Variants in RAB21 observed in about 807,000 individuals in gnomAD.
RAB21 encodes RAB21, member RAS oncogene family, also known as ras-related protein Rab-21.
Under a neutral mutation model 33.1 loss-of-function variants are expected in RAB21, and 13 were observed. The observed-to-expected ratio is 0.39, with a 90% CI of 0.26 to 0.62. The LOEUF is 0.62. Among genes scored for constraint, RAB21 ranks in the 20% least tolerant of loss-of-function variants. The pLI, the probability that RAB21 is intolerant of heterozygous loss-of-function variation, is 0.48. For missense variants in RAB21, 234 were observed against 279.1 expected (o/e 0.84, Z 1.15); for synonymous variants, 91 against 103.7 (o/e 0.88, Z 0.74).
At chr12:71,779,985 A>G (rs1374900374) in intron 4 of RAB21, among the ~76,000 whole-genome samples, 2 of 152,220 alleles carry the variant, frequency 1.3e-5, no homozygotes, top group Non-Finnish European at 2.9e-5. Context: ...TCTGCAATGT[A>G]TTCTGTGCTG....
At position 71,774,037 on chromosome 12, in the gene RAB21, T is replaced by A; in HGVS notation, c.391+15T>A. On this transcript the variant is annotated intron_variant, in intron 4 of 6. Coordinates refer to ENST00000261263, the MANE Select transcript of RAB21 (RefSeq NM_014999.4). ...ATGTATAGTTGGTAAGCATCATTAC[T>A]TTTTTCTAAAAAAAAAGTCCTCTGT... The A allele has an allele frequency of 6.5e-7, 1 of 1,529,024 alleles. No individual in the cohort carries two copies. The highest frequency in any genetic ancestry group is 8.8e-7 in the Non-Finnish European group (1 of 1,133,470). The allele number at this position is 1,529,024 out of a possible 1,614,324, so 94.7% of individuals were successfully genotyped here.
rs1565896267 is a variant in RAB21 at position 71,785,879 on chromosome 12, G to GTTTTCTTTTGT, written c.*210_*211insCTTTTGTTTTT. The GTTTTCTTTTGT allele has an allele frequency of 2.5e-5, 10 of 398,240 alleles. No homozygotes were observed. Among genetic ancestry groups the GTTTTCTTTTGT allele is most frequent in the African/African-American group, 1.4e-4 (6 of 43,664 alleles). 24.7% of individuals were successfully genotyped at this position (398,240 alleles called of 1,614,324 possible). On this transcript the variant is annotated 3_prime_UTR_variant, in exon 7 of 7. Coordinates refer to ENST00000261263, the MANE Select transcript of RAB21 (RefSeq NM_014999.4). ...CAGAGAATTGGCATTTTCTACAAAT[G>GTTTTCTTTTGT]TTTTTTTTTGTTTTTTTTTTGTTTT... is the stretch of plus-strand genomic sequence containing the variant.
At chr12:71,765,784 G>A (rs529090108) in intron 1 of RAB21, among the ~76,000 whole-genome samples, 83 of 151,926 alleles carry the variant, frequency 5.5e-4, no homozygotes, top group African/African-American at 1.5e-3. Flanking sequence ...TTATTTCTGC[G>A]TTCTCTATTG....
rs185369618 is a variant in RAB21, at chr12:71,776,844, G to T, written c.391+2822G>T. Among the ~76,000 whole-genome samples the T allele has an allele frequency of 2.6e-5, 4 of 152,222 alleles. No individual in the cohort carries two copies. In the East Asian group the frequency reaches 7.7e-4, roughly 29 times the overall value. On this transcript the variant is annotated intron_variant, in intron 4 of 6. Coordinates refer to ENST00000261263, the MANE Select transcript of RAB21 (RefSeq NM_014999.4). ...ACTAAATCAAAATCTCTATGGATGGGACTAAGAATTAATTCCTTCTTTTCA... is the reference window on the plus strand; with the variant it reads ...ACTAAATCAAAATCTCTATGGATGGTACTAAGAATTAATTCCTTCTTTTCA...
At chr12:71,780,378 T>C (rs1023125616) in intron 4 of RAB21, among the ~76,000 whole-genome samples, 2 of 152,234 alleles carry the variant, frequency 1.3e-5, no homozygotes, top group African/African-American at 4.8e-5. Context: ...CAGAATCTTT[T>C]TCCTGTTTGT....
chr12:71,782,358 C>T (rs1319529104), intron 5 of RAB21: 1 of 514,854 alleles, frequency 1.9e-6, no homozygotes, highest in African/African-American at 1.9e-5. Context: ...GTATTTGAGT[C>T]CCAAATTAAT....
intron 4 of RAB21, among the ~76,000 whole-genome samples, chr12:71,777,513 C>G (rs1883139205): frequency 6.6e-6 from 1 of 152,072 alleles, no homozygotes; most frequent in Admixed American, 6.6e-5. Context: ...AGTGTTTATT[C>G]TCTCTTCTGT....
chr12:71,765,783 C>T (rs1882952081), intron 1 of RAB21, among the ~76,000 whole-genome samples: 1 of 151,898 alleles, frequency 6.6e-6, no homozygotes, highest in South Asian at 2.1e-4. Context: ...TTTATTTCTG[C>T]GTTCTCTATT....
At chr12:71,767,346 GC>G (rs1882978052) in intron 1 of RAB21, among the ~76,000 whole-genome samples, 1 of 152,022 alleles carries the variant, frequency 6.6e-6, no homozygotes, top group Non-Finnish European at 1.5e-5. Context: ...CAACTCTGAT[GC>G]ACTCCCTTCT....
At chr12:71,765,689 C>A (rs1450811546) in intron 1 of RAB21, among the ~76,000 whole-genome samples, 1 of 152,050 alleles carries the variant, frequency 6.6e-6, no homozygotes, top group Non-Finnish European at 1.5e-5. Context: ...GTTTTCCTAG[C>A]ACCTTTTGTT....
At chr12:71,761,266 C>T (rs532142685) in intron 1 of RAB21, among the ~76,000 whole-genome samples, 1 of 152,218 alleles carries the variant, frequency 6.6e-6, no homozygotes, top group East Asian at 1.9e-4. Flanking sequence ...AATGGTGTGC[C>T]AGCTGGGCAT....
chr12:71,787,582 G>A lies in RAB21; in HGVS notation c.*1909G>A, dbSNP rs1883314028. 6.6e-6 allele frequency: 1 copy of A among 152,026 alleles called. No homozygotes were observed. The highest frequency in any genetic ancestry group is 2.4e-5 in the African/African-American group (1 of 41,388). The allele number at this position is 152,026 out of a possible 1,614,324, so 9.4% of individuals were successfully genotyped here. On this transcript the variant is annotated 3_prime_UTR_variant, in exon 7 of 7. Coordinates refer to ENST00000261263, the MANE Select transcript of RAB21 (RefSeq NM_014999.4). ...GTTAATAACTTAAACCTTCTCAAAT[G>A]GGTTAAAAGTTGAATGAATTGACAC...
chr12:71,779,224 C>G (rs1195214370), intron 4 of RAB21, among the ~76,000 whole-genome samples: 3 of 152,068 alleles, frequency 2.0e-5, no homozygotes, highest in Non-Finnish European at 4.4e-5. Context: ...TTTAGGGAGA[C>G]CAAGGTGGGC....
At chr12:71,777,371 T>TTC (rs1883137153) in intron 4 of RAB21, among the ~76,000 whole-genome samples, 2 of 152,232 alleles carry the variant, frequency 1.3e-5, no homozygotes, top group African/African-American at 2.4e-5. Flanking sequence ...TTGTATATAG[T>TTC]TGTTCATTTT....
In RAB21 at chr12:71,791,001, T is replaced by A. The variant is rs1425855614; in HGVS notation, c.*5328T>A. On this transcript the variant is annotated 3_prime_UTR_variant, in exon 7 of 7. Coordinates refer to ENST00000261263, the MANE Select transcript of RAB21 (RefSeq NM_014999.4). ...TTATTTATTTTTTTATTTCATTTTT[T>A]TGAGACAGTCTCGCTGTGTCACCCA... 6.6e-6 allele frequency: 1 copy of A among 152,160 alleles called. No homozygotes were observed. Among genetic ancestry groups the A allele is most frequent in the Admixed American group, 6.5e-5 (1 of 15,272 alleles). 9.4% of individuals were successfully genotyped at this position (152,160 alleles called of 1,614,324 possible).
intron 1 of RAB21, among the ~76,000 whole-genome samples, chr12:71,761,670 TC>T (rs1389889977): frequency 6.6e-6 from 1 of 151,984 alleles, no homozygotes; most frequent in African/African-American, 2.4e-5. Context: ...AGAGCAAGAC[TC>T]CATCTCAAAA....
intron 2 of RAB21, among the ~76,000 whole-genome samples, chr12:71,770,305 C>G (rs1378562021): frequency 6.6e-6 from 1 of 152,050 alleles, no homozygotes; most frequent in East Asian, 1.9e-4. Context: ...TTGTTTTGAC[C>G]CTCTGGCAAC....
rs1883444672 is a variant in RAB21, at chr12:71,794,765, A to G, written c.*9092A>G. On this transcript the variant is annotated 3_prime_UTR_variant, in exon 7 of 7. Transcript: ENST00000261263. ...ATTTATAAATTTATATATATTTCATATATATATTATATATATATAAAATTA... is the reference window on the plus strand; with the variant it reads ...ATTTATAAATTTATATATATTTCATGTATATATTATATATATATAAAATTA... 6.8e-6 allele frequency: 1 copy of G among 146,038 alleles called. No homozygotes were observed. Among genetic ancestry groups the G allele is most frequent in the Non-Finnish European group, 1.5e-5 (1 of 66,778 alleles). 9.0% of individuals were successfully genotyped at this position (146,038 alleles called of 1,614,324 possible). A position where few individuals can be genotyped will look rare whatever the true frequency, so the allele number is the denominator to read the frequency against.
intron 1 of RAB21, among the ~76,000 whole-genome samples, chr12:71,760,824 A>G (rs1565884261): frequency 6.6e-6 from 1 of 151,940 alleles, no homozygotes; most frequent in Admixed American, 6.6e-5. Flanking sequence ...CCTGAAGTCT[A>G]GGATAGGTGT....
Sources: gnomAD v4.1 joint callset for allele counts (sites outside exome capture counted in the v4.1 genomes callset) on GRCh38, gnomAD v4.1.1 for gene constraint, MANE v1.5 for transcripts, NCBI Gene and HGNC (gene_info 2026-07-23, HGNC 2026-07-21) for gene names.